PIP5K1B: variants seen among roughly 807,000 people sequenced by gnomAD.
PIP5K1B encodes phosphatidylinositol 4-phosphate 5-kinase type-1 beta.
A neutral mutation model predicts 67.0 loss-of-function variants in PIP5K1B; 42 were observed. The observed-to-expected ratio is 0.63, with a 90% CI of 0.49 to 0.81. The LOEUF (loss-of-function observed/expected upper bound fraction) is 0.81, where lower values mean the gene tolerates loss of function less well. PIP5K1B is among the 30% of genes least tolerant of loss of function. The pLI is 0.00. For synonymous variants in PIP5K1B, 214 were observed against 231.4 expected (o/e 0.92, Z 0.68); for missense variants, 459 against 646.3 (o/e 0.71, Z 3.14).
At chr9:68,731,718 C>T (rs1828441338) in intron 1 of PIP5K1B, among the ~76,000 whole-genome samples, 2 of 152,080 alleles carry the variant, frequency 1.3e-5, no homozygotes, top group South Asian at 4.1e-4. Flanking sequence ...CTTAGGATTG[C>T]AAATTAAGCC....
chr9:68,745,359 T>A (rs1351184622), intron 2 of PIP5K1B, among the ~76,000 whole-genome samples: 1 of 152,182 alleles, frequency 6.6e-6, no homozygotes, highest in East Asian at 1.9e-4. Flanking sequence ...ACACCGTAGG[T>A]AAGAGGTTTA....
intron 2 of PIP5K1B, chr9:68,782,394 A>C (rs1831340782): frequency 6.0e-6 from 1 of 166,998 alleles, no homozygotes; most frequent in African/African-American, 2.4e-5. Context: ...TTAAGACAAA[A>C]TGTTTAATAA....
chr9:68,955,629 G>A (rs771784456), intron 14 of PIP5K1B, among the ~76,000 whole-genome samples: 37 of 152,324 alleles, frequency 2.4e-4, no homozygotes, highest in Non-Finnish European at 4.4e-4. Context: ...CCAGAGCATG[G>A]CACTTCTTTG....
intron 14 of PIP5K1B, among the ~76,000 whole-genome samples, chr9:68,985,749 C>T (rs1830071308): frequency 6.6e-6 from 1 of 152,212 alleles, no homozygotes; most frequent in Non-Finnish European, 1.5e-5. Flanking sequence ...CACCAGAGAG[C>T]TCGAAATCTC....
chr9:68,900,097 T>C (rs1182904421), intron 8 of PIP5K1B, among the ~76,000 whole-genome samples: 1 of 152,230 alleles, frequency 6.6e-6, no homozygotes, highest in African/African-American at 2.4e-5. Flanking sequence ...AGGACATGAT[T>C]TCATTCTTTT....
intron 13 of PIP5K1B, among the ~76,000 whole-genome samples, chr9:68,938,591 A>G (rs1827393675): frequency 6.6e-6 from 1 of 152,158 alleles, no homozygotes; most frequent in South Asian, 2.1e-4. Flanking sequence ...GCCCATTTAT[A>G]TTTAAGGTTA....
At chr9:68,987,177 A>C (rs891503774) in intron 14 of PIP5K1B, among the ~76,000 whole-genome samples, 4 of 151,952 alleles carry the variant, frequency 2.6e-5, no homozygotes, top group Admixed American at 2.6e-4. Flanking sequence ...ACTTGAACCC[A>C]GGAGGCGGAG....
chr9:68,944,542 G>A (rs1376211472), intron 14 of PIP5K1B, among the ~76,000 whole-genome samples: 2 of 152,184 alleles, frequency 1.3e-5, no homozygotes, highest in African/African-American at 4.8e-5. Flanking sequence ...ATTTCTAACA[G>A]TTGGGCTCAC....
In PIP5K1B at chr9:68,991,268, T is replaced by A. The variant is rs9657717; in HGVS notation, c.1620+11T>A. ...CTTGACGTCTATTTAGTAAGTAATT[T>A]TTTAGTTTCCTCTCCTCCACTTCTG... is the stretch of plus-strand genomic sequence containing the variant. On this transcript the variant is annotated intron_variant, in intron 15 of 15. Transcript: ENST00000265382. The A allele has an allele frequency of 3.8e-5, 56 of 1,459,684 alleles. No individual in the cohort carries two copies. The African/African-American group carries it at 7.7e-4, about 20-fold the overall frequency. 90.4% of individuals were successfully genotyped at this position (1,459,684 alleles called of 1,614,324 possible).
intron 4 of PIP5K1B, among the ~76,000 whole-genome samples, chr9:68,838,827 A>G (rs1042070492): frequency 6.6e-6 from 1 of 152,210 alleles, no homozygotes; most frequent in Non-Finnish European, 1.5e-5. Flanking sequence ...TAAGCTGACC[A>G]TGGAAAGGCA....
chr9:69,000,950 T>A (rs1477180551), intron 15 of PIP5K1B, among the ~76,000 whole-genome samples: 2 of 150,670 alleles, frequency 1.3e-5, no homozygotes, highest in African/African-American at 4.9e-5. Context: ...CAGGCTGGAG[T>A]GCAGTGGCGC....
At chr9:68,767,374 A>G (rs1199745382) in intron 2 of PIP5K1B, among the ~76,000 whole-genome samples, 1 of 152,174 alleles carries the variant, frequency 6.6e-6, no homozygotes, top group Non-Finnish European at 1.5e-5. Flanking sequence ...CGGGTGGATC[A>G]CTTAAGGTCA....
chr9:68,998,072 CT>C (rs542788542), intron 15 of PIP5K1B, among the ~76,000 whole-genome samples: 176 of 126,786 alleles, frequency 1.4e-3, no homozygotes, highest in Admixed American at 1.7e-3. Context: ...TTTTTCTTTT[CT>C]TTTTTTTTTT....
At chr9:68,997,056 C>T (rs1021267820) in intron 15 of PIP5K1B, among the ~76,000 whole-genome samples, 8 of 152,140 alleles carry the variant, frequency 5.3e-5, no homozygotes, top group African/African-American at 1.4e-4. Flanking sequence ...TGGAGATTAG[C>T]GCTCTGATGG....
chr9:68,750,509 CA>C (rs1284379061), intron 2 of PIP5K1B, among the ~76,000 whole-genome samples: 2 of 152,176 alleles, frequency 1.3e-5, no homozygotes, highest in East Asian at 1.9e-4. Context: ...AAATATTTAG[CA>C]GCGTTTAGCA....
At chr9:68,734,478 A>C (rs542928343) in intron 1 of PIP5K1B, among the ~76,000 whole-genome samples, 1 of 152,360 alleles carries the variant, frequency 6.6e-6, no homozygotes, top group Non-Finnish European at 1.5e-5. Context: ...TACGTCCAAC[A>C]TATCTCTACT....
intron 2 of PIP5K1B, among the ~76,000 whole-genome samples, chr9:68,790,570 A>G (rs1354377206): frequency 6.6e-6 from 1 of 151,662 alleles, no homozygotes; most frequent in Non-Finnish European, 1.5e-5. Flanking sequence ...GGTCTTGTGT[A>G]TGTACACCCA....
intron 13 of PIP5K1B, among the ~76,000 whole-genome samples, chr9:68,936,751 T>C (rs1185406160): frequency 6.6e-6 from 1 of 152,168 alleles, no homozygotes; most frequent in African/African-American, 2.4e-5. Context: ...CCTCTCCGAA[T>C]TGGTGTCTCC....
chr9:68,975,665 G>A (rs1024486860), intron 14 of PIP5K1B, among the ~76,000 whole-genome samples: 3 of 152,162 alleles, frequency 2.0e-5, no homozygotes, highest in Non-Finnish European at 1.5e-5. Context: ...TTGTCTCACC[G>A]TTCTGGAGGC....
Sources: allele counts gnomAD v4.1 joint callset (sites outside exome capture counted in the v4.1 genomes callset), GRCh38; gene constraint gnomAD v4.1.1; transcripts MANE v1.5; gene names NCBI Gene and HGNC (gene_info 2026-07-23, HGNC 2026-07-21).